PLB1: variants seen among roughly 807,000 people sequenced by gnomAD.
PLB1 encodes the protein phospholipase B1, membrane-associated.
PLB1 carries 242 observed loss-of-function variants against 227.4 expected under a neutral mutation model. The ratio of observed to expected loss-of-function variants is 1.06; its 90% CI spans 0.96 to 1.18. The LOEUF is 1.18. Among genes scored for constraint, PLB1 ranks in the 50% most tolerant of loss-of-function variants. PLB1 has a pLI of 0.00. For missense variants in PLB1, 1,858 were observed against 1,816.3 expected (o/e 1.02, Z -0.42); for synonymous variants, 757 against 682.2 (o/e 1.11, Z -1.71).
intron 1 of PLB1, among the ~76,000 whole-genome samples, chr2:28,501,422 T>A (rs1241189265): frequency 2.6e-5 from 4 of 151,858 alleles, no homozygotes; most frequent in Non-Finnish European, 5.9e-5. Context: ...ATCACTTGAA[T>A]TTTTTTTTGT....
At chr2:28,595,366 A>C (rs1682735237) in intron 33 of PLB1, 1 of 152,192 alleles carries the variant, frequency 6.6e-6, no homozygotes, top group South Asian at 2.1e-4. Flanking sequence ...TCGGGGTCTG[A>C]GAGACAGCTT....
intron 8 of PLB1, among the ~76,000 whole-genome samples, chr2:28,530,514 A>G (rs900406814): frequency 6.6e-6 from 1 of 152,214 alleles, no homozygotes; most frequent in Non-Finnish European, 1.5e-5. Flanking sequence ...AATAATTACC[A>G]TATTAATTTT....
At chr2:28,566,201 T>C (rs1367562833) in intron 19 of PLB1, among the ~76,000 whole-genome samples, 1 of 151,988 alleles carries the variant, frequency 6.6e-6, no homozygotes, top group Non-Finnish European at 1.5e-5. Context: ...ACCCAAACAT[T>C]TGGGGAACCT....
At chr2:28,635,333 A>G (rs1010894499) in intron 56 of PLB1, among the ~76,000 whole-genome samples, 3 of 152,150 alleles carry the variant, frequency 2.0e-5, no homozygotes, top group South Asian at 2.1e-4. Flanking sequence ...TAAATAATAG[A>G]CCATTAGAGC....
chr2:28,532,752 C>T (rs1379028868), intron 9 of PLB1, among the ~76,000 whole-genome samples: 1 of 152,216 alleles, frequency 6.6e-6, no homozygotes, highest in Admixed American at 6.5e-5. Context: ...ATCCTCACCC[C>T]TTGGCCCATG....
intron 43 of PLB1, among the ~76,000 whole-genome samples, chr2:28,609,777 T>C (rs1467463635): frequency 6.6e-6 from 1 of 152,246 alleles, no homozygotes; most frequent in Non-Finnish European, 1.5e-5. Flanking sequence ...TTTCAAGCTC[T>C]ACAGGCATGA....
chr2:28,632,514 G>A (rs1688771298), intron 55 of PLB1, among the ~76,000 whole-genome samples: 1 of 152,148 alleles, frequency 6.6e-6, no homozygotes, highest in Non-Finnish European at 1.5e-5. Flanking sequence ...TTCCGGCCGG[G>A]TGCAGTGGCT....
intron 26 of PLB1, 48 bp downstream of exon 26, chr2:28,585,890 C>G (rs776119270): frequency 5.2e-5 from 76 of 1,472,782 alleles, no homozygotes; most frequent in Non-Finnish European, 6.7e-5. Context: ...CTGTGTGATT[C>G]GATTGCTCTG....
chr2:28,617,550 C>A (rs1431825186), intron 44 of PLB1, among the ~76,000 whole-genome samples, 177 bp from the exon 45 acceptor site: 1 of 152,182 alleles, frequency 6.6e-6, no homozygotes, highest in Non-Finnish European at 1.5e-5. Flanking sequence ...CCATTTCTCC[C>A]CCTTTAATTT....
chr2:28,579,768 C>G, intron 23 of PLB1, 61 bp downstream of exon 23: 1 of 1,410,976 alleles, frequency 7.1e-7, no homozygotes, highest in Non-Finnish European at 1.0e-6. Flanking sequence ...ACAGCCCGGT[C>G]ACTTGCTCTG....
intron 56 of PLB1, among the ~76,000 whole-genome samples, chr2:28,636,850 G>A (rs1050106808): frequency 6.6e-6 from 1 of 152,162 alleles, no homozygotes; most frequent in Non-Finnish European, 1.5e-5. Flanking sequence ...ACTGGGGGAT[G>A]AATAGTCCTG....
At chr2:28,560,678 C>T (rs7565619) in intron 17 of PLB1, among the ~76,000 whole-genome samples, 134,673 of 152,212 alleles carry the variant, frequency 0.88, 59,913 homozygotes, top group East Asian at 0.99. Context: ...ATAGATGCTA[C>T]AACATAATTG....
At chr2:28,642,158 G>T (rs1690047721) in intron 57 of PLB1, among the ~76,000 whole-genome samples, 1 of 152,094 alleles carries the variant, frequency 6.6e-6, no homozygotes, top group Admixed American at 6.5e-5. Context: ...ACCCATGTGG[G>T]TCTCCTTTTC....
intron 37 of PLB1, 78 bp from the exon 38 acceptor site, chr2:28,601,821 G>T: frequency 8.0e-7 from 1 of 1,253,110 alleles, no homozygotes. Context: ...GCTGGAGCCA[G>T]AAGGGAAGTT....
At chr2:28,587,552 G>C (rs1322461836) in intron 26 of PLB1, among the ~76,000 whole-genome samples, 1 of 152,170 alleles carries the variant, frequency 6.6e-6, no homozygotes, top group East Asian at 1.9e-4. Context: ...GGAGGTTGCA[G>C]TGAGCCGAGA....
At chr2:28,620,564 G>T (rs774792009) in intron 47 of PLB1, 36 bp from the exon 48 acceptor site, 12 of 1,590,280 alleles carry the variant, frequency 7.5e-6, no homozygotes, top group Non-Finnish European at 3.4e-6. Context: ...GCAGCATGTT[G>T]GTGTGAGTTT....
intron 26 of PLB1, among the ~76,000 whole-genome samples, chr2:28,587,742 A>G (rs539603723): frequency 3.0e-4 from 46 of 152,332 alleles, no homozygotes; most frequent in African/African-American, 1.0e-3. Flanking sequence ...CATCCCTGAC[A>G]CAGGCAATGA....
Position 28,541,845 on chromosome 2 carries a change from G to T in PLB1, c.879+34G>T, listed in dbSNP as rs754927191. ...GGGCTGCATGGCGTATCAAGAGTGTGGTGGGGGCCGGGCATGGTGGCTCAC... is the reference window on the plus strand; with the variant it reads ...GGGCTGCATGGCGTATCAAGAGTGTTGTGGGGGCCGGGCATGGTGGCTCAC... On this transcript the variant is annotated intron_variant, in intron 13 of 57. Coordinates refer to ENST00000327757, the MANE Select transcript of PLB1 (RefSeq NM_153021.5). The T allele has an allele frequency of 2.0e-5, 31 of 1,535,780 alleles. No homozygotes were observed. In the South Asian group the frequency reaches 3.5e-4, roughly 17 times the overall value.
intron 23 of PLB1, among the ~76,000 whole-genome samples, chr2:28,580,348 A>C (rs1450089354): frequency 1.3e-5 from 2 of 152,250 alleles, no homozygotes; most frequent in East Asian, 3.8e-4. Context: ...GCGGAGAGAG[A>C]GACAGGCAGT....
Sources: allele counts gnomAD v4.1 joint callset (sites outside exome capture counted in the v4.1 genomes callset), GRCh38; gene constraint gnomAD v4.1.1; transcripts MANE v1.5; gene names NCBI Gene and HGNC (gene_info 2026-07-23, HGNC 2026-07-21).